EBF2: variants seen among roughly 807,000 people sequenced by gnomAD.
EBF2 encodes the protein EBF transcription factor 2, also known as transcription factor COE2.
Under a neutral mutation model 72.8 loss-of-function variants are expected in EBF2, and 21 were observed. The observed-to-expected ratio is 0.29, with a 90% CI of 0.20 to 0.42. The LOEUF is 0.42. Among genes scored for constraint, EBF2 ranks in the 10% least tolerant of loss-of-function variants. The pLI, the probability that EBF2 is intolerant of heterozygous loss-of-function variation, is 1.00. For missense variants in EBF2, 637 were observed against 731.2 expected, an observed-to-expected ratio of 0.87 and a Z score of 1.49; for synonymous variants, 299 against 274.2, an observed-to-expected ratio of 1.09 and a Z score of -0.89.
In EBF2 at chr8:25,984,169, G is replaced by A. The variant is rs1585216184; in HGVS notation, c.551+48916C>T. ...ATTTCCGGAATGCGAAACCGAGAAG[G>A]AGCTGGGTCTCCCAAATTTGGGAAG... is the stretch of plus-strand genomic sequence containing the variant. On this transcript the variant is annotated intron_variant, in intron 6 of 15. Transcript: ENST00000520164. 4.6e-5 allele frequency among the ~76,000 whole-genome samples: 7 copies of A among 152,292 alleles called. No homozygotes were observed. The South Asian group carries it at 1.2e-3, about 27-fold the overall frequency.
intron 7 of EBF2, among the ~76,000 whole-genome samples, chr8:25,896,388 A>G (rs1802864346): frequency 6.6e-6 from 1 of 152,184 alleles, no homozygotes. Flanking sequence ...TCGCATTTAT[A>G]GCACACTCCA....
At chr8:26,032,343 C>T (rs564287913) in intron 6 of EBF2, 2 of 152,184 alleles carry the variant, frequency 1.3e-5, no homozygotes, top group South Asian at 4.2e-4. Flanking sequence ...CAGGACCTGG[C>T]TAGAAATGTG....
intron 6 of EBF2, among the ~76,000 whole-genome samples, chr8:25,910,755 C>A (rs1390403055): frequency 6.6e-6 from 1 of 152,006 alleles, no homozygotes; most frequent in Non-Finnish European, 1.5e-5. Context: ...ACCTACACAG[C>A]CCCGTGCACT....
At chr8:25,910,950 G>T (rs1046759111) in intron 6 of EBF2, among the ~76,000 whole-genome samples, 1 of 151,994 alleles carries the variant, frequency 6.6e-6, no homozygotes, top group Admixed American at 6.6e-5. Flanking sequence ...TTTAATATAT[G>T]GATCTAAAAA....
rs567838726 is a variant in EBF2, at chr8:26,044,654, G to T, written c.131+75C>A. 2 of 1,532,572 alleles carry T rather than the reference G, an allele frequency of 1.3e-6. No individual in the cohort carries two copies. Among genetic ancestry groups the T allele is most frequent in the African/African-American group, 1.6e-5 (1 of 64,488 alleles). The allele number at this position is 1,532,572 out of a possible 1,614,324, so 94.9% of individuals were successfully genotyped here. ...AGGGAGAGAGAAAGGCACGGGGTGC[G>T]CGGGGGGGGTGCACACGGAGAGACA... On this transcript the variant is annotated intron_variant, in intron 1 of 15. Transcript: ENST00000520164. The surrounding 1 kb of genome is among the most constrained non-coding windows in gnomAD (Gnocchi z 4.1).
intron 6 of EBF2, among the ~76,000 whole-genome samples, chr8:26,017,562 G>A (rs923027642): frequency 1.4e-4 from 21 of 152,174 alleles, no homozygotes; most frequent in African/African-American, 5.1e-4. Context: ...TCCTCTCACA[G>A]GGCCATGTGG....
Position 25,889,612 on chromosome 8 carries a change from A to G in EBF2, c.751+140T>C, listed in dbSNP as rs1420922746. The G allele has an allele frequency of 4.6e-6, 3 of 648,254 alleles. No homozygotes were observed. The African/African-American group carries it at 5.5e-5, about 12-fold the overall frequency. 40.2% of individuals were successfully genotyped at this position (648,254 alleles called of 1,614,324 possible). ...GGAGCAGGCTGGAGTCTGTGTTTACAACTTCGTTTAAAAAAAAAAAAACCC... is the reference window on the plus strand; with the variant it reads ...GGAGCAGGCTGGAGTCTGTGTTTACGACTTCGTTTAAAAAAAAAAAAACCC... On this transcript the variant is annotated intron_variant, in intron 8 of 15. Transcript: ENST00000520164.
At chr8:25,909,315 C>G (rs114765600) in intron 6 of EBF2, among the ~76,000 whole-genome samples, 232 of 152,110 alleles carry the variant, frequency 1.5e-3, no homozygotes, top group African/African-American at 5.3e-3. Flanking sequence ...GCAGAAGTGG[C>G]CTTTTCAGCA....
chr8:25,862,785 G>T lies in EBF2; in HGVS notation c.1022C>A (p.Pro341His). Reference protein sequence around the residue: ...GRFIYTALNEPTIDYGFQRLQ... With the variant: ...GRFIYTALNEHTIDYGFQRLQ... ...TCTCTGGAAGCCATAGTCTATGGTG[G>T]GTTCATTTAATGCTGAAAGAGAAAA... The change falls in exon 11 of 16, where the codon CCC becomes CAC. Residue 341 changes from proline to histidine, a missense_variant. Coordinates refer to ENST00000520164, the MANE Select transcript of EBF2 (RefSeq NM_022659.4). 6.3e-7 allele frequency: 1 copy of T among 1,588,494 alleles called. No homozygotes were observed. The highest frequency in any genetic ancestry group is 8.6e-7 in the Non-Finnish European group (1 of 1,166,294).
At chr8:25,896,719 C>T (rs894660677) in intron 7 of EBF2, among the ~76,000 whole-genome samples, 9 of 152,202 alleles carry the variant, frequency 5.9e-5, no homozygotes, top group African/African-American at 2.2e-4. Context: ...GACCAAGCTG[C>T]AGTTCCATAT....
rs142584657 is a variant in EBF2 at position 25,989,257 on chromosome 8, C to T, written c.551+43828G>A. Among the ~76,000 whole-genome samples, 163 of 152,214 alleles carry T rather than the reference C, an allele frequency of 1.1e-3. 1 individual carries two copies. Among genetic ancestry groups the T allele is most frequent in the African/African-American group, 3.8e-3 (159 of 41,534 alleles). On this transcript the variant is annotated intron_variant, in intron 6 of 15. Transcript: ENST00000520164. ...GAGTGGTGAAATAGTAGGAAGAGGC[C>T]CTTCTCTGCTGGGTGTTGACAGATA... is the stretch of plus-strand genomic sequence containing the variant.
At chr8:26,016,134 G>T (rs1392892719) in intron 6 of EBF2, among the ~76,000 whole-genome samples, 1 of 152,186 alleles carries the variant, frequency 6.6e-6, no homozygotes, top group Non-Finnish European at 1.5e-5. Context: ...GCTCTTTAGT[G>T]CAGGGAGAAG....
At chr8:25,969,223 T>C (rs1198878591) in intron 6 of EBF2, among the ~76,000 whole-genome samples, 1 of 152,212 alleles carries the variant, frequency 6.6e-6, no homozygotes, top group Non-Finnish European at 1.5e-5. Context: ...ACTCCATCAA[T>C]GAGAGTTAAC....
chr8:25,849,287 C>A (rs965433236), intron 15 of EBF2, among the ~76,000 whole-genome samples: 3 of 152,146 alleles, frequency 2.0e-5, no homozygotes, highest in African/African-American at 7.2e-5. Flanking sequence ...CAGAAGACAC[C>A]ATCATCTCCA....
intron 10 of EBF2, among the ~76,000 whole-genome samples, chr8:25,867,152 A>G (rs7845692): frequency 0.28 from 42,617 of 152,006 alleles, 6,227 homozygotes; most frequent in South Asian, 0.39. Flanking sequence ...AGTTATTGTT[A>G]TTGCTGTCAG....
At chr8:25,849,323 C>A (rs141167611) in intron 15 of EBF2, among the ~76,000 whole-genome samples, 6 of 152,146 alleles carry the variant, frequency 3.9e-5, no homozygotes, top group African/African-American at 7.2e-5. Flanking sequence ...AGGAACCTAA[C>A]GTACCTCCCA....
chr8:25,847,070 A>G (rs1337253753), intron 15 of EBF2, among the ~76,000 whole-genome samples: 1 of 152,180 alleles, frequency 6.6e-6, no homozygotes, highest in Non-Finnish European at 1.5e-5. Context: ...AAGTCATCAG[A>G]CTTTTCCTGT....
At position 25,858,323 on chromosome 8, in the gene EBF2, A is replaced by G. The variant is rs1216143618; in HGVS notation, c.1524T>C (p.Tyr508=). Residue 508 remains tyrosine (Y), a synonymous_variant, in exon 14 of 16, where the codon TAT becomes TAC. Coordinates refer to ENST00000520164, the MANE Select transcript of EBF2 (RefSeq NM_022659.4). ...FLNGSPTGSP[Y]GIMSSSPTVG... ...AGTGATGGAGAGGTCACTTACTTCC[A>G]TAAGGAGAGCCGGTGGGTGAGCCAT... 6.2e-7 allele frequency: 1 copy of G among 1,614,050 alleles called. No individual in the cohort carries two copies. Among genetic ancestry groups the G allele is most frequent in the Non-Finnish European group, 8.5e-7 (1 of 1,180,016 alleles).
intron 6 of EBF2, among the ~76,000 whole-genome samples, chr8:25,936,881 T>C (rs1039408944): frequency 6.6e-6 from 1 of 152,236 alleles, no homozygotes; most frequent in Non-Finnish European, 1.5e-5. Flanking sequence ...GATTTTATTC[T>C]AGAATTTCAA....
Sources: allele counts gnomAD v4.1 joint callset (sites outside exome capture counted in the v4.1 genomes callset), GRCh38; gene constraint gnomAD v4.1.1; non-coding constraint Gnocchi (gnomAD v3.1); transcripts MANE v1.5; gene names NCBI Gene and HGNC (gene_info 2026-07-23, HGNC 2026-07-21).